CCDC30: variants seen among roughly 807,000 people sequenced by gnomAD.
CCDC30 encodes coiled-coil domain-containing protein 30.
In CCDC30, 70 loss-of-function variants were observed where a neutral mutation model predicts 100.2. The ratio of observed to expected loss-of-function variants is 0.70; its 90% CI spans 0.58 to 0.85. The LOEUF (loss-of-function observed/expected upper bound fraction) is 0.85. Ranked by LOEUF, CCDC30 falls within the 40% of genes least tolerant of loss-of-function variation. The pLI, the probability that CCDC30 is intolerant of heterozygous loss-of-function variation, is 0.00. For synonymous variants in CCDC30, 233 were observed against 269.5 expected, an observed-to-expected ratio of 0.86 and a Z score of 1.33; for missense variants, 652 against 771.2, an observed-to-expected ratio of 0.85 and a Z score of 1.83.
chr1:42,484,369 C>T (rs182890058), intron 3 of CCDC30, among the ~76,000 whole-genome samples: 15 of 152,206 alleles, frequency 9.9e-5, no homozygotes, highest in Admixed American at 3.3e-4. Context: ...CACATGAACA[C>T]GATGAGAAGC....
intron 6 of CCDC30, among the ~76,000 whole-genome samples, chr1:42,517,603 T>C (rs1644574317): frequency 6.6e-6 from 1 of 151,668 alleles, no homozygotes. Flanking sequence ...GTGAATAGTG[T>C]AAGGTAAGTG....
At chr1:42,628,433 G>A (rs534666409) in intron 11 of CCDC30, among the ~76,000 whole-genome samples, 29 of 152,274 alleles carry the variant, frequency 1.9e-4, no homozygotes, top group Non-Finnish European at 2.9e-5. Context: ...TGTTGGCAAA[G>A]CATGATTGGT....
chr1:42,544,513 T>G (rs1052206701), intron 6 of CCDC30, among the ~76,000 whole-genome samples: 1 of 152,206 alleles, frequency 6.6e-6, no homozygotes, highest in African/African-American at 2.4e-5. Context: ...ACAAATATTT[T>G]ATTTTTTATT....
chr1:42,490,166 C>T (rs1644115286), exon 4 of CCDC30: 3 of 1,183,694 alleles, frequency 2.5e-6, no homozygotes, highest in Non-Finnish European at 3.2e-6. Context: ...AGATTCTGCA[C>T]TTAAGAAGGC....
chr1:42,621,664 A>G (rs894866280), intron 11 of CCDC30, among the ~76,000 whole-genome samples: 1 of 152,046 alleles, frequency 6.6e-6, no homozygotes, highest in African/African-American at 2.4e-5. Flanking sequence ...GGCGCCTGCC[A>G]CCACGCAGGC....
At chr1:42,585,959 A>G (rs1646060580) in intron 9 of CCDC30, among the ~76,000 whole-genome samples, 1 of 152,208 alleles carries the variant, frequency 6.6e-6, no homozygotes, top group Non-Finnish European at 1.5e-5. Context: ...TTGCTATTAT[A>G]AAACTGTAAT....
intron 11 of CCDC30, among the ~76,000 whole-genome samples, chr1:42,617,472 G>A (rs1646747860): frequency 6.6e-6 from 1 of 152,154 alleles, no homozygotes; most frequent in Non-Finnish European, 1.5e-5. Context: ...GATTTATCAA[G>A]ACAGGGGAAT....
At chr1:42,636,028 A>G (rs1489114082) in intron 11 of CCDC30, among the ~76,000 whole-genome samples, 3 of 152,126 alleles carry the variant, frequency 2.0e-5, no homozygotes, top group Admixed American at 2.0e-4. Context: ...CATTTCCTTA[A>G]TGGCTAGTAA....
intron 3 of CCDC30, among the ~76,000 whole-genome samples, chr1:42,489,492 C>T (rs1229653442): frequency 6.6e-6 from 1 of 152,140 alleles, no homozygotes; most frequent in Non-Finnish European, 1.5e-5. Flanking sequence ...TGCTGATGTG[C>T]TCACTCTGTG....
intron 3 of CCDC30, among the ~76,000 whole-genome samples, chr1:42,486,525 T>C (rs1644053592): frequency 1.3e-5 from 2 of 152,140 alleles, no homozygotes; most frequent in Admixed American, 6.6e-5. Context: ...AACAAAACCT[T>C]AGGTGGTGAG....
chr1:42,475,882 C>T (rs1022296308), intron 1 of CCDC30, among the ~76,000 whole-genome samples: 43 of 151,922 alleles, frequency 2.8e-4, no homozygotes, highest in African/African-American at 1.0e-3. Flanking sequence ...ACCTCTTCCT[C>T]TTTAGGTTTT....
intron 6 of CCDC30, among the ~76,000 whole-genome samples, chr1:42,542,415 G>T (rs991118010): frequency 6.6e-6 from 1 of 151,824 alleles, no homozygotes; most frequent in Non-Finnish European, 1.5e-5. Context: ...ACCCAGATTG[G>T]AATGCAGCGG....
intron 11 of CCDC30, among the ~76,000 whole-genome samples, chr1:42,617,632 T>G (rs1438681127): frequency 1.3e-5 from 2 of 152,160 alleles, no homozygotes. Flanking sequence ...GAGTGTTGAT[T>G]GATCAGGTCG....
At chr1:42,515,626 T>C (rs954429366) in intron 6 of CCDC30, among the ~76,000 whole-genome samples, 1 of 152,242 alleles carries the variant, frequency 6.6e-6, no homozygotes, top group Non-Finnish European at 1.5e-5. Flanking sequence ...ACTTCTCGCC[T>C]CTAGAACTCT....
At chr1:42,565,976 T>A (rs184829890) in intron 6 of CCDC30, among the ~76,000 whole-genome samples, 293 of 152,216 alleles carry the variant, frequency 1.9e-3, no homozygotes, top group African/African-American at 6.0e-3. Context: ...TCTTTGAACT[T>A]CCCATTTTAA....
At chr1:42,634,180 CTA>C (rs1647098677) in intron 11 of CCDC30, among the ~76,000 whole-genome samples, 2 of 149,152 alleles carry the variant, frequency 1.3e-5, no homozygotes, top group South Asian at 2.1e-4. Context: ...CTAGTCCCAG[CTA>C]CTCAGGAGGC....
rs1021705092 is a variant in CCDC30 at position 42,618,172 on chromosome 1, T to A, written c.1277+7082T>A. On this transcript the variant is annotated intron_variant, in intron 11 of 16. Coordinates refer to ENST00000668663, the Ensembl canonical transcript of CCDC30. ...GAAACCCAGAGGATGACAGGTATAC[T>A]GCTGGATCTTACATCTCTGAAGCTA... 2.6e-5 allele frequency among the ~76,000 whole-genome samples: 4 copies of A among 151,370 alleles called. No homozygotes were observed. The East Asian group carries it at 7.9e-4, about 30-fold the overall frequency.
rs777868920 is a variant in CCDC30 at position 42,566,306 on chromosome 1, C to T, written c.467C>T (p.Ser156Phe). Residue 156 changes from serine to phenylalanine, a missense_variant, in exon 7 of 17, where the codon TCT becomes TTT. Coordinates refer to ENST00000668663, the Ensembl canonical transcript of CCDC30. The stretch of plus-strand genomic sequence containing the variant: ...AAATGTTTGCTTTAGCATCCATCAT[C>T]TGGAGAAAAACTAAAATACAACCAG... 1.9e-6 allele frequency: 3 copies of T among 1,612,802 alleles called. No individual in the cohort carries two copies. In the African/African-American group the frequency reaches 4.0e-5, roughly 22 times the overall value.
chr1:42,543,279 T>A (rs1238311197), intron 6 of CCDC30, among the ~76,000 whole-genome samples: 2 of 151,434 alleles, frequency 1.3e-5, no homozygotes, highest in African/African-American at 4.9e-5. Context: ...GGCCTTCTTT[T>A]TTTTTTTTTC....
Sources: gnomAD v4.1 joint callset for allele counts (sites outside exome capture counted in the v4.1 genomes callset) on GRCh38, gnomAD v4.1.1 for gene constraint, MANE v1.5 for transcripts, NCBI Gene and HGNC (gene_info 2026-07-23, HGNC 2026-07-21) for gene names.